Variants in PARL observed in about 807,000 individuals in gnomAD.
The protein encoded by PARL is presenilin-associated rhomboid-like protein, mitochondrial.
In PARL, 44 loss-of-function variants were observed where a neutral mutation model predicts 51.6. The observed-to-expected ratio is 0.85, with a 90% CI of 0.67 to 1.10. The LOEUF is 1.10. PARL is among the 50% of genes least tolerant of loss of function. The pLI is 0.00. For synonymous variants in PARL, 172 were observed against 164.0 expected (o/e 1.05, Z -0.37); for missense variants, 441 against 469.5 (o/e 0.94, Z 0.56).
chr3:183,866,820 C>T (rs1732539641), intron 2 of PARL, 55 bp from the exon 3 acceptor site: 2 of 1,233,774 alleles, frequency 1.6e-6, no homozygotes, highest in Admixed American at 3.5e-5. Flanking sequence ...TAGATCTATA[C>T]ATTATTTCCA....
chr3:183,879,285 C>A (rs1341025123), intron 1 of PARL, among the ~76,000 whole-genome samples: 1 of 152,218 alleles, frequency 6.6e-6, no homozygotes, highest in Non-Finnish European at 1.5e-5. Flanking sequence ...CAAGGATGGG[C>A]ACCTGTCCCA....
intron 4 of PARL, among the ~76,000 whole-genome samples, chr3:183,857,439 A>G (rs547076795): frequency 2.0e-5 from 3 of 152,366 alleles, no homozygotes; most frequent in East Asian, 1.9e-4. Flanking sequence ...ACCTACTTGT[A>G]TTGATATAGA....
chr3:183,827,382 C>T (rs1437712550), downstream of PARL, among the ~76,000 whole-genome samples: 1 of 151,820 alleles, frequency 6.6e-6, no homozygotes, highest in African/African-American at 2.4e-5. Flanking sequence ...TTCAAGGCTA[C>T]AGTGAGCTAT....
chr3:183,862,693 G>T (rs2108665237), intron 4 of PARL, 60 bp downstream of exon 4: 1 of 1,302,384 alleles, frequency 7.7e-7, no homozygotes, highest in Non-Finnish European at 1.1e-6. Flanking sequence ...GTGACATACT[G>T]TACCTTTTGG....
intron 4 of PARL, among the ~76,000 whole-genome samples, chr3:183,860,892 T>A (rs761179054): frequency 1.3e-5 from 2 of 149,176 alleles, no homozygotes; most frequent in Non-Finnish European, 3.0e-5. Context: ...CTTAGCTCAC[T>A]GCAACCTCAG....
chr3:183,884,668 C>T (rs927512412), intron 1 of PARL, 54 bp downstream of exon 1: 60 of 1,551,538 alleles, frequency 3.9e-5, no homozygotes, highest in Non-Finnish European at 4.8e-5. Flanking sequence ...CGAGGATACA[C>T]GGCCAGAGCT....
intron 4 of PARL, chr3:183,861,106 G>T: frequency 4.2e-6 from 1 of 236,670 alleles, no homozygotes; most frequent in Non-Finnish European, 6.9e-6. Flanking sequence ...GTAAGCCACT[G>T]CACCCAGCCT....
chr3:183,859,932 G>A (rs866190091), intron 4 of PARL, among the ~76,000 whole-genome samples: 1 of 151,938 alleles, frequency 6.6e-6, no homozygotes. Flanking sequence ...ATCTTTAACC[G>A]ACTAGAGCTT....
intron 7 of PARL, among the ~76,000 whole-genome samples, chr3:183,835,937 G>A (rs1728520079): frequency 6.6e-6 from 1 of 151,830 alleles, no homozygotes; most frequent in Non-Finnish European, 1.5e-5. Context: ...ATGAAGTTCT[G>A]CCAGGCACAG....
At chr3:183,844,189 A>T in intron 5 of PARL, 42 bp downstream of exon 5, 1 of 1,294,010 alleles carries the variant, frequency 7.7e-7, no homozygotes. Context: ...TTTCTTTCAT[A>T]TTATTTCTAC....
At chr3:183,867,104 G>A (rs1385362998) in intron 2 of PARL, among the ~76,000 whole-genome samples, 3 of 152,048 alleles carry the variant, frequency 2.0e-5, no homozygotes, top group Non-Finnish European at 4.4e-5. Context: ...AGTAGAGACG[G>A]GGTTTCATCA....
chr3:183,879,879 ATTTTTT>A lies in PARL; in HGVS notation c.125+4837_125+4842del, dbSNP rs532111761. The A allele has an allele frequency of 1.9e-3, 248 of 131,308 alleles. 5 individuals carry two copies. The highest frequency in any genetic ancestry group is 9.9e-3 in the South Asian group (41 of 4,160). The allele number at this position is 131,308 out of a possible 1,614,324, so 8.1% of individuals were successfully genotyped here. A position where few individuals can be genotyped will look rare whatever the true frequency, so the allele number is the denominator to read the frequency against. On this transcript the variant is annotated intron_variant, in intron 1 of 9. Coordinates refer to ENST00000317096, the MANE Select transcript of PARL (RefSeq NM_018622.7). ...TTACAGATGCCTGCCACCAGGACTG[ATTTTTT>A]TTTTTTTTTTTTTTTTTGTATTTTT...
intron 4 of PARL, chr3:183,844,699 T>C (rs1729747832): frequency 5.1e-6 from 1 of 195,808 alleles, no homozygotes; most frequent in East Asian, 1.2e-4. Flanking sequence ...TGGCCAAGAG[T>C]AGAAGAGCTA....
At chr3:183,828,807 C>G (rs1727605525), downstream of PARL, among the ~76,000 whole-genome samples, 1 of 152,200 alleles carries the variant, frequency 6.6e-6, no homozygotes, top group Non-Finnish European at 1.5e-5. Context: ...ACTAAAAATT[C>G]TCCTGTAAAT....
chr3:183,868,006 A>G lies in PARL; in HGVS notation c.180T>C (p.Val60=), dbSNP rs1318992041. The G allele has an allele frequency of 2.5e-6, 4 of 1,614,104 alleles. No homozygotes were observed. In the Admixed American group the frequency reaches 5.0e-5, roughly 20 times the overall value. ...TCCCTGGGTCTGATCTTCGAGGTTC[A>G]ACCTTCCTGGGTGCTTTTCTGAATC... ...KCGFRKAPRK[V]EPRRSDPGTS... Residue 60 remains valine, a synonymous_variant, in exon 2 of 10, where the codon GTT becomes GTC. Coordinates refer to ENST00000317096, the MANE Select transcript of PARL (RefSeq NM_018622.7).
chr3:183,841,714 T>G (rs1032112822), intron 6 of PARL, among the ~76,000 whole-genome samples: 5 of 152,216 alleles, frequency 3.3e-5, no homozygotes, highest in Non-Finnish European at 7.3e-5. Context: ...GGACCTGGAT[T>G]CATGCATGAG....
At chr3:183,850,709 T>C (rs1730452191) in intron 4 of PARL, among the ~76,000 whole-genome samples, 2 of 152,186 alleles carry the variant, frequency 1.3e-5, no homozygotes, top group South Asian at 4.1e-4. Context: ...TCAATATTCC[T>C]TTATGAAAAG....
chr3:183,837,668 C>T (rs1478917507), intron 7 of PARL, among the ~76,000 whole-genome samples: 1 of 151,142 alleles, frequency 6.6e-6, no homozygotes, highest in Non-Finnish European at 1.5e-5. Flanking sequence ...GTCACGGCAC[C>T]CCCTCTCCTC....
chr3:183,879,222 C>A (rs913401224), intron 1 of PARL, among the ~76,000 whole-genome samples: 1 of 152,226 alleles, frequency 6.6e-6, no homozygotes, highest in South Asian at 2.1e-4. Flanking sequence ...ACCAAGCCCA[C>A]GATTGGCTTA....
Sources: gnomAD v4.1 joint callset for allele counts (sites outside exome capture counted in the v4.1 genomes callset) on GRCh38, gnomAD v4.1.1 for gene constraint, MANE v1.5 for transcripts, NCBI Gene and HGNC (gene_info 2026-07-23, HGNC 2026-07-21) for gene names.